Variants in NEIL2 observed in about 807,000 individuals in gnomAD.
NEIL2 encodes the protein nei like DNA glycosylase 2, also known as endonuclease 8-like 2.
NEIL2 carries 23 observed loss-of-function variants against 22.2 expected under a neutral mutation model. The observed-to-expected ratio is 1.04, with a 90% CI of 0.75 to 1.47. The LOEUF is 1.47. Among genes scored for constraint, NEIL2 ranks in the 40% most tolerant of loss-of-function variants. The pLI, the probability that NEIL2 is intolerant of heterozygous loss-of-function variation, is 0.00. For synonymous variants in NEIL2, 229 were observed against 164.8 expected (o/e 1.39, Z -2.99); for missense variants, 583 against 404.7 (o/e 1.44, Z -3.78).
At chr8:11,784,891 C>T (rs1804755573) in intron 4 of NEIL2, among the ~76,000 whole-genome samples, 1 of 152,204 alleles carries the variant, frequency 6.6e-6, no homozygotes, top group Non-Finnish European at 1.5e-5. Context: ...TTTTTTGACA[C>T]AGGGTCTCTC....
At chr8:11,782,665 T>A (rs1804525654) in intron 3 of NEIL2, 1 of 191,960 alleles carries the variant, frequency 5.2e-6, no homozygotes, top group African/African-American at 2.3e-5. Context: ...TGAGTGTGCA[T>A]TGATTTTGTA....
chr8:11,771,200 A>G (rs547090345), intron 1 of NEIL2, among the ~76,000 whole-genome samples: 33 of 152,292 alleles, frequency 2.2e-4, no homozygotes, highest in Admixed American at 2.0e-3. Flanking sequence ...TTGGTGCTTA[A>G]TAAGTGTTTG....
At chr8:11,778,336 A>C (rs1290070469) in intron 2 of NEIL2, among the ~76,000 whole-genome samples, 1 of 147,158 alleles carries the variant, frequency 6.8e-6, no homozygotes, top group Non-Finnish European at 1.5e-5. Context: ...ACCATTTCTA[A>C]TATGTGGCAG....
rs1174697696 is a variant in NEIL2 at position 11,786,561 on chromosome 8, G to C, written c.*288G>C. 2.0e-6 allele frequency: 1 copy of C among 494,550 alleles called. No individual in the cohort carries two copies. Among genetic ancestry groups the C allele is most frequent in the Non-Finnish European group, 3.7e-6 (1 of 272,420 alleles). 30.6% of individuals were successfully genotyped at this position (494,550 alleles called of 1,614,324 possible). On this transcript the variant is annotated 3_prime_UTR_variant, in exon 5 of 5. Transcript: ENST00000284503. ...AGGGGAAAACTTCCCGGAAGGCAAT[G>C]GGGCAAGGAAAAAGAAAGCCTATGG... is the stretch of plus-strand genomic sequence containing the variant.
intron 1 of NEIL2, among the ~76,000 whole-genome samples, chr8:11,770,611 T>G (rs1320091049): frequency 3.9e-5 from 6 of 152,228 alleles, no homozygotes; most frequent in Non-Finnish European, 7.3e-5. Flanking sequence ...TTAGTTCTTT[T>G]CGATTTTCAT....
chr8:11,779,791 G>A lies in NEIL2; in HGVS notation c.332G>A (p.Gly111Asp), dbSNP rs774175271. ...SSRSAELVPQ[G>D]EDDSEYLERD... ...CGGTCTGCAGAGCTCGTCCCCCAGG[G>A]CGAGGATGATTCTGAGTATTTGGAG... The change falls in exon 3 of 5, where the codon GGC becomes GAC. Residue 111 changes from glycine (G) to aspartate (D), a missense_variant. By Grantham distance (94) the Gly-to-Asp change is moderately conservative. Transcript: ENST00000284503. 1.2e-6 allele frequency: 2 copies of A among 1,614,222 alleles called. No individual in the cohort carries two copies. Among genetic ancestry groups the A allele is most frequent in the African/African-American group, 1.3e-5 (1 of 75,074 alleles).
rs113905789 is a variant in NEIL2 at position 11,779,880 on chromosome 8, G to C, written c.421G>C (p.Val141Leu). The C allele has an allele frequency of 1.9e-6, 3 of 1,614,068 alleles. No individual in the cohort carries two copies. Among genetic ancestry groups the C allele is most frequent in the South Asian group, 2.2e-5 (2 of 91,082 alleles). Reference protein sequence around the residue: ...LRVSFGLFGSVWVNDFSRAKK... With the variant: ...LRVSFGLFGSLWVNDFSRAKK... ...TGTCAGCTTTGGTTTGTTTGGCAGC[G>C]TTTGGGTGAACGATTTCTCCAGAGC... Residue 141 changes from valine to leucine, a missense_variant, in exon 3 of 5, where the codon GTT (valine) becomes CTT (leucine). Val to Leu is a conservative substitution (Grantham distance 32). Transcript: ENST00000284503.
intron 1 of NEIL2, among the ~76,000 whole-genome samples, chr8:11,770,816 A>T (rs1361311598): frequency 6.6e-6 from 1 of 151,868 alleles, no homozygotes; most frequent in African/African-American, 2.4e-5. Context: ...TGGTGATTAG[A>T]ACAGAACCAC....
intron 3 of NEIL2, among the ~76,000 whole-genome samples, chr8:11,780,613 C>T (rs1278264823): frequency 6.6e-6 from 1 of 152,182 alleles, no homozygotes; most frequent in Non-Finnish European, 1.5e-5. Context: ...GAACTCCTGG[C>T]CTCAAGCGAT....
At position 11,770,738 on chromosome 8, in the gene NEIL2, A is replaced by G. The variant is rs190074261; in HGVS notation, c.-3+403A>G. On this transcript the variant is annotated intron_variant, in intron 1 of 4. Transcript: ENST00000284503. ...GTACACCACTCAGACTGCCTCATGT[A>G]GGCGGCTGTCAGTGGACTGGGATGA... 2.0e-3 allele frequency among the ~76,000 whole-genome samples: 305 copies of G among 152,156 alleles called. 3 individuals are homozygous for G. The highest frequency in any genetic ancestry group is 6.8e-3 in the African/African-American group (284 of 41,512).
chr8:11,779,796 G>C lies in NEIL2; in HGVS notation c.337G>C (p.Asp113His). Residue 113 changes from aspartate (D) to histidine (H), a missense_variant, in exon 3 of 5, where the codon GAT becomes CAT. By Grantham distance (81) the Asp-to-His change is moderately conservative. Coordinates refer to ENST00000284503, the MANE Select transcript of NEIL2 (RefSeq NM_145043.4). ...TGCAGAGCTCGTCCCCCAGGGCGAG[G>C]ATGATTCTGAGTATTTGGAGAGAGA... is the stretch of plus-strand genomic sequence containing the variant. ...RSAELVPQGE[D>H]DSEYLERDAP... 1.2e-6 allele frequency: 2 copies of C among 1,614,222 alleles called. No homozygotes were observed. The highest frequency in any genetic ancestry group is 1.7e-6 in the Non-Finnish European group (2 of 1,180,046).
intron 2 of NEIL2, among the ~76,000 whole-genome samples, chr8:11,772,970 A>T (rs1361071549): frequency 1.3e-5 from 2 of 152,112 alleles, no homozygotes; most frequent in African/African-American, 4.8e-5. Flanking sequence ...GTTAGTTAGA[A>T]CTGGAAGAGA....
rs982472958 is a variant in NEIL2 at position 11,786,363 on chromosome 8, A to G, written c.*90A>G. ...AGGAGGATGTGGGCAGGGACGGGGT[A>G]CAGAGGATAGTGTGGGTCAGAGGTG... is the stretch of plus-strand genomic sequence containing the variant. On this transcript the variant is annotated 3_prime_UTR_variant, in exon 5 of 5. Transcript: ENST00000284503. The G allele has an allele frequency of 3.0e-6, 4 of 1,312,888 alleles. No individual in the cohort carries two copies. In the South Asian group the frequency reaches 3.8e-5, roughly 12 times the overall value. 81.3% of individuals were successfully genotyped at this position (1,312,888 alleles called of 1,614,324 possible). A position where few individuals can be genotyped will look rare whatever the true frequency, so the allele number is the denominator to read the frequency against.
chr8:11,779,454 C>T, intron 2 of NEIL2, 144 bp from the exon 3 acceptor site: 2 of 743,806 alleles, frequency 2.7e-6, no homozygotes, highest in Non-Finnish European at 4.7e-6. Flanking sequence ...AGCAAAAGAG[C>T]AAAAGGCAGA....
chr8:11,771,372 G>C, intron 1 of NEIL2, 74 bp from the exon 2 acceptor site: 1 of 1,588,364 alleles, frequency 6.3e-7, no homozygotes. Context: ...CATGGAGGAT[G>C]CTTGGCACCT....
At chr8:11,770,811 A>G (rs547345595) in intron 1 of NEIL2, among the ~76,000 whole-genome samples, 8 of 152,050 alleles carry the variant, frequency 5.3e-5, no homozygotes, top group Non-Finnish European at 7.4e-5. Flanking sequence ...CTGCGTGGTG[A>G]TTAGAACAGA....
At chr8:11,783,640 G>A (rs1389364396) in intron 4 of NEIL2, among the ~76,000 whole-genome samples, 1 of 152,228 alleles carries the variant, frequency 6.6e-6, no homozygotes, top group African/African-American at 2.4e-5. Flanking sequence ...TCAGTTGTGA[G>A]CCCTCTGCCA....
Position 11,769,854 on chromosome 8 carries a change from G to A in NEIL2, c.-484G>A, listed in dbSNP as rs1803271279. ...CTGGCGGAGAAGTCGGGAGGGGACA[G>A]GAAGGGAGGGCGGGCCCCGGGCCCT... On this transcript the variant is annotated 5_prime_UTR_variant, in exon 1 of 5. Coordinates refer to ENST00000284503, the MANE Select transcript of NEIL2 (RefSeq NM_145043.4). 2 of 152,352 alleles carry A rather than the reference G, an allele frequency of 1.3e-5. No individual in the cohort carries two copies. Among genetic ancestry groups the A allele is most frequent in the African/African-American group, 2.4e-5 (1 of 41,452 alleles). 9.4% of individuals were successfully genotyped at this position (152,352 alleles called of 1,614,324 possible). A position where few individuals can be genotyped will look rare whatever the true frequency, so the allele number is the denominator to read the frequency against.
chr8:11,774,412 A>G (rs1469902061), intron 2 of NEIL2, among the ~76,000 whole-genome samples: 2 of 152,058 alleles, frequency 1.3e-5, no homozygotes, highest in Non-Finnish European at 2.9e-5. Flanking sequence ...ATCTCTTGAG[A>G]CTTATTTACT....
Sources: allele counts gnomAD v4.1 joint callset (sites outside exome capture counted in the v4.1 genomes callset), GRCh38; gene constraint gnomAD v4.1.1; transcripts MANE v1.5; gene names NCBI Gene and HGNC (gene_info 2026-07-23, HGNC 2026-07-21).